The following INSR variants were observed in gnomAD, a reference collection of about 807,000 sequenced individuals.
INSR encodes the protein IR.
In INSR, 67 loss-of-function variants were observed where a neutral mutation model predicts 142.6. The ratio of observed to expected loss-of-function variants is 0.47; its 90% CI spans 0.39 to 0.58. The LOEUF (loss-of-function observed/expected upper bound fraction) is 0.58, where lower values mean the gene tolerates loss of function less well. Ranked by LOEUF, INSR falls within the 20% of genes least tolerant of loss-of-function variation. INSR has a pLI of 0.00. For missense variants in INSR, 1,248 were observed against 1,833.2 expected (o/e 0.68, Z 5.83); for synonymous variants, 756 against 743.1 (o/e 1.02, Z -0.28).
intron 2 of INSR, among the ~76,000 whole-genome samples, chr19:7,232,809 CA>C (rs575896195): frequency 2.0e-4 from 28 of 139,488 alleles, no homozygotes; most frequent in African/African-American, 3.4e-4. Flanking sequence ...GACTCCGTCT[CA>C]AAAAAAAAAA....
chr19:7,198,684 CCCTCT>C (rs1273271143), intron 2 of INSR, among the ~76,000 whole-genome samples: 1 of 152,082 alleles, frequency 6.6e-6, no homozygotes, highest in Non-Finnish European at 1.5e-5. Context: ...GGCCAGTGCA[CCCTCT>C]ATTCTCACCC....
At chr19:7,184,085 G>A (rs534811261) in intron 3 of INSR, among the ~76,000 whole-genome samples, 15 of 110,514 alleles carry the variant, frequency 1.4e-4, no homozygotes, top group African/African-American at 5.4e-4. Context: ...AGAATGGTGG[G>A]CACAATGCCA....
At chr19:7,282,374 GTAA>G (rs1223257046) in intron 1 of INSR, among the ~76,000 whole-genome samples, 4 of 146,282 alleles carry the variant, frequency 2.7e-5, no homozygotes, top group South Asian at 2.2e-4. Context: ...CAAAATAATA[GTAA>G]TAATAATAAT....
chr19:7,118,873 C>T (rs1236127390), intron 21 of INSR, among the ~76,000 whole-genome samples: 1 of 144,086 alleles, frequency 6.9e-6, no homozygotes. Context: ...CGAGCTCGCA[C>T]CACTGCACTC....
chr19:7,144,401 CTTAT>C (rs957771784), intron 11 of INSR, among the ~76,000 whole-genome samples: 1 of 151,874 alleles, frequency 6.6e-6, no homozygotes, highest in Admixed American at 6.6e-5. Flanking sequence ...AACCATCCTC[CTTAT>C]TTATTTATTT....
chr19:7,135,692 T>A (rs933000946), intron 13 of INSR, among the ~76,000 whole-genome samples: 2 of 151,696 alleles, frequency 1.3e-5, no homozygotes, highest in Admixed American at 6.6e-5. Context: ...TTCCACCAGC[T>A]GGGCACGGTG....
chr19:7,242,426 A>T (rs535373739), intron 2 of INSR, among the ~76,000 whole-genome samples: 1 of 152,230 alleles, frequency 6.6e-6, no homozygotes, highest in Non-Finnish European at 1.5e-5. Context: ...TACTATAAAT[A>T]AAAATGTTTT....
At chr19:7,148,956 G>A (rs1469954976) in intron 11 of INSR, among the ~76,000 whole-genome samples, 5 of 149,082 alleles carry the variant, frequency 3.4e-5, no homozygotes, top group Non-Finnish European at 5.9e-5. Flanking sequence ...CACCACGCCC[G>A]GCTAATTTTT....
At chr19:7,230,169 AG>A (rs1197614274) in intron 2 of INSR, among the ~76,000 whole-genome samples, 3 of 152,230 alleles carry the variant, frequency 2.0e-5, no homozygotes, top group Non-Finnish European at 4.4e-5. Context: ...GATGGACAGA[AG>A]GCACAGGTCA....
At position 7,119,666 on chromosome 19, in the gene INSR, ACG is replaced by A. The variant is rs1373541254; in HGVS notation, c.3660-85_3660-84del. On this transcript the variant is annotated intron_variant, in intron 20 of 21. Coordinates refer to ENST00000302850, the MANE Select transcript of INSR (RefSeq NM_000208.4). The surrounding 1 kb of genome is among the most constrained non-coding windows in gnomAD (Gnocchi z 5.2). ...CGCGCGCGCAAACACACACACGCAA[ACG>A]CACACACACACGCAAACACACATGC... is the stretch of plus-strand genomic sequence containing the variant. 1.8e-5 allele frequency: 27 copies of A among 1,468,516 alleles called. No homozygotes were observed. Among genetic ancestry groups the A allele is most frequent in the Non-Finnish European group, 2.3e-5 (24 of 1,060,530 alleles). The allele number at this position is 1,468,516 out of a possible 1,614,324, so 91.0% of individuals were successfully genotyped here.
At chr19:7,241,967 C>T (rs1233828104) in intron 2 of INSR, among the ~76,000 whole-genome samples, 1 of 152,036 alleles carries the variant, frequency 6.6e-6, no homozygotes, top group African/African-American at 2.4e-5. Context: ...GACTGGCCAA[C>T]ATGGTGAAAC....
chr19:7,217,395 C>T (rs1933301848), intron 2 of INSR, among the ~76,000 whole-genome samples: 2 of 152,104 alleles, frequency 1.3e-5, no homozygotes, highest in Non-Finnish European at 2.9e-5. Context: ...CTGCAAAGAG[C>T]CTTGTGCCAA....
intron 9 of INSR, 114 bp from the exon 10 acceptor site, chr19:7,153,041 CCA>C (rs1973432802): frequency 2.8e-6 from 1 of 356,540 alleles, no homozygotes; most frequent in South Asian, 2.3e-5. Flanking sequence ...CACACACACA[CCA>C]CACACCCCCC....
intron 1 of INSR, among the ~76,000 whole-genome samples, chr19:7,281,413 A>G (rs2087676287): frequency 6.6e-6 from 1 of 152,088 alleles, no homozygotes; most frequent in South Asian, 2.1e-4. Context: ...AGTGGCTCAC[A>G]TCTGCAATCC....
At chr19:7,126,418 C>T (rs1972646953) in intron 16 of INSR, among the ~76,000 whole-genome samples, 166 bp downstream of exon 16, 1 of 152,188 alleles carries the variant, frequency 6.6e-6, no homozygotes, top group African/African-American at 2.4e-5. Context: ...CAGATGCACA[C>T]AGTAATGAGG....
At chr19:7,197,526 T>G (rs1200266088) in intron 2 of INSR, among the ~76,000 whole-genome samples, 4 of 145,290 alleles carry the variant, frequency 2.8e-5, no homozygotes, top group African/African-American at 1.0e-4. Context: ...GGTGTGTGTG[T>G]GTGTGTGTGT....
chr19:7,282,680 A>AAATAATAATAAT (rs929195129), intron 1 of INSR, among the ~76,000 whole-genome samples: 10 of 147,194 alleles, frequency 6.8e-5, no homozygotes, highest in African/African-American at 2.5e-4. Context: ...AGACTGCTCA[A>AAATAATAATAAT]AATAATAATA....
intron 2 of INSR, among the ~76,000 whole-genome samples, chr19:7,243,549 A>T (rs1167287602): frequency 1.3e-5 from 2 of 151,916 alleles, no homozygotes; most frequent in Admixed American, 6.6e-5. Flanking sequence ...CCTGGCCTAA[A>T]TTTTTTCTTA....
intron 1 of INSR, among the ~76,000 whole-genome samples, chr19:7,285,176 C>A (rs1489440724): frequency 6.6e-6 from 1 of 151,882 alleles, no homozygotes; most frequent in African/African-American, 2.4e-5. Flanking sequence ...TTAGGCCGGG[C>A]ACAGTGGCTC....
Sources: allele counts gnomAD v4.1 joint callset (sites outside exome capture counted in the v4.1 genomes callset), GRCh38; gene constraint gnomAD v4.1.1; non-coding constraint Gnocchi (gnomAD v3.1); transcripts MANE v1.5; gene names NCBI Gene and HGNC (gene_info 2026-07-23, HGNC 2026-07-21).